Variants in NXPE2 observed in about 807,000 individuals in gnomAD.
The protein encoded by NXPE2 is NXPE family member 2.
In NXPE2, 34 loss-of-function variants were observed where a neutral mutation model predicts 34.4. The ratio of observed to expected loss-of-function variants is 0.99; its 90% CI spans 0.75 to 1.31. The LOEUF is 1.31. Ranked by LOEUF, NXPE2 falls within the 40% of genes most tolerant of loss-of-function variation. The pLI, the probability that NXPE2 is intolerant of heterozygous loss-of-function variation, is 0.00. For missense variants in NXPE2, 649 were observed against 672.5 expected, an observed-to-expected ratio of 0.97 and a Z score of 0.39; for synonymous variants, 235 against 231.3, an observed-to-expected ratio of 1.02 and a Z score of -0.15.
the NXPE2 span, among the ~76,000 whole-genome samples, chr11:114,762,427 A>C: frequency 6.6e-6 from 1 of 152,244 alleles, no homozygotes; most frequent in East Asian, 1.9e-4. Flanking sequence ...TGTGGGACAA[A>C]TAAGAGAAAA....
the NXPE2 span, among the ~76,000 whole-genome samples, chr11:114,717,932 A>C: frequency 6.6e-6 from 1 of 152,198 alleles, no homozygotes; most frequent in Non-Finnish European, 1.5e-5. Flanking sequence ...AACTTGGAAG[A>C]ATAAATTAGA....
At chr11:114,805,747 C>T in the NXPE2 span, among the ~76,000 whole-genome samples, 6 of 152,220 alleles carry the variant, frequency 3.9e-5, no homozygotes, top group Non-Finnish European at 8.8e-5. Flanking sequence ...CTGCCTGCCT[C>T]TGTAGGCTCC....
chr11:114,490,683 C>G, the NXPE2 span, among the ~76,000 whole-genome samples: 2 of 152,170 alleles, frequency 1.3e-5, no homozygotes, highest in Non-Finnish European at 2.9e-5. Flanking sequence ...CTTCCTTACA[C>G]CTTATACAAA....
the NXPE2 span, among the ~76,000 whole-genome samples, chr11:114,805,191 GT>G: frequency 4.9e-3 from 715 of 146,454 alleles, 5 homozygotes; most frequent in African/African-American, 0.017. Flanking sequence ...ACCACAAGGA[GT>G]TTTTTTTTTT....
At chr11:114,670,402 A>G in the NXPE2 span, among the ~76,000 whole-genome samples, 11 of 151,990 alleles carry the variant, frequency 7.2e-5, no homozygotes, top group Non-Finnish European at 1.3e-4. Context: ...CAATTACTAA[A>G]CAAACAAGCA....
chr11:114,504,851 C>G, the NXPE2 span, among the ~76,000 whole-genome samples: 1 of 152,172 alleles, frequency 6.6e-6, no homozygotes, highest in Non-Finnish European at 1.5e-5. Context: ...AGCATCATCT[C>G]TCTAGCAAGA....
chr11:114,611,315 AC>A, the NXPE2 span, among the ~76,000 whole-genome samples: 2 of 151,590 alleles, frequency 1.3e-5, no homozygotes, highest in South Asian at 4.2e-4. Context: ...AATCACTGTT[AC>A]CCAGTGGATA....
the NXPE2 span, among the ~76,000 whole-genome samples, chr11:114,629,202 G>A: frequency 1.4e-4 from 22 of 151,926 alleles, no homozygotes; most frequent in African/African-American, 5.1e-4. Context: ...TACCAAAGCC[G>A]GGCAGAGACA....
At chr11:114,667,761 A>G in the NXPE2 span, among the ~76,000 whole-genome samples, 3 of 152,178 alleles carry the variant, frequency 2.0e-5, no homozygotes, top group East Asian at 3.9e-4. Flanking sequence ...TTAGAAGTAA[A>G]TCTTCCAGCC....
chr11:114,645,524 G>C, the NXPE2 span, among the ~76,000 whole-genome samples: 2 of 152,072 alleles, frequency 1.3e-5, no homozygotes, highest in Non-Finnish European at 2.9e-5. Flanking sequence ...AGAAAATGTT[G>C]ATAAATTTAA....
At chr11:114,638,692 G>A in the NXPE2 span, among the ~76,000 whole-genome samples, 27 of 152,184 alleles carry the variant, frequency 1.8e-4, no homozygotes, top group African/African-American at 3.9e-4. Flanking sequence ...AGACAGGACC[G>A]TCAGCTGCAG....
the NXPE2 span, chr11:114,522,780 A>C: frequency 1.2e-6 from 1 of 825,256 alleles, no homozygotes; most frequent in South Asian, 1.7e-5. Context: ...AGCCAAATGA[A>C]GTAAAAAACA....
the NXPE2 span, among the ~76,000 whole-genome samples, chr11:114,555,387 C>G: frequency 2.0e-5 from 3 of 152,076 alleles, no homozygotes; most frequent in African/African-American, 7.2e-5. Context: ...CCACCATGCC[C>G]GGCTAATTTT....
chr11:114,808,713 C>T, the NXPE2 span, among the ~76,000 whole-genome samples: 2 of 151,968 alleles, frequency 1.3e-5, no homozygotes, highest in African/African-American at 4.8e-5. Context: ...TAGCTTACCA[C>T]CAAAAAAAGT....
chr11:114,776,374 G>A, the NXPE2 span, among the ~76,000 whole-genome samples: 348 of 152,390 alleles, frequency 2.3e-3, 6 homozygotes, highest in Admixed American at 0.02. Flanking sequence ...AGGCTGCTGA[G>A]GCTCCCATCT....
chr11:114,784,903 G>A, the NXPE2 span, among the ~76,000 whole-genome samples: 1 of 152,092 alleles, frequency 6.6e-6, no homozygotes, highest in African/African-American at 2.4e-5. Context: ...TTTTGGGGGT[G>A]GGGAAGATTG....
chr11:114,705,533 G>C (rs1055492697), intron 4 of NXPE2, among the ~76,000 whole-genome samples: 1 of 152,112 alleles, frequency 6.6e-6, no homozygotes. Flanking sequence ...GTGGAGCCCA[G>C]GGACACATTG....
the NXPE2 span, among the ~76,000 whole-genome samples, chr11:114,793,144 C>T: frequency 6.6e-6 from 1 of 152,120 alleles, no homozygotes; most frequent in Non-Finnish European, 1.5e-5. Context: ...CTCTAAATAC[C>T]ACATCATGCA....
the NXPE2 span, among the ~76,000 whole-genome samples, chr11:114,629,792 C>A: frequency 2.0e-5 from 3 of 150,932 alleles, no homozygotes; most frequent in African/African-American, 4.9e-5. Context: ...AGCCCAAAAT[C>A]TCCTCAAGCT....
Sources: gnomAD v4.1 joint callset for allele counts (sites outside exome capture counted in the v4.1 genomes callset) on GRCh38, gnomAD v4.1.1 for gene constraint, MANE v1.5 for transcripts, NCBI Gene and HGNC (gene_info 2026-07-23, HGNC 2026-07-21) for gene names.